The following SMOC2 variants were observed in gnomAD, a reference collection of about 807,000 sequenced individuals.
SMOC2 encodes SPARC-related modular calcium-binding protein 2.
Under a neutral mutation model 61.4 loss-of-function variants are expected in SMOC2, and 39 were observed. The observed-to-expected ratio is 0.64, with a 90% CI of 0.49 to 0.83. The LOEUF (loss-of-function observed/expected upper bound fraction) is 0.83. Among genes scored for constraint, SMOC2 ranks in the 40% least tolerant of loss-of-function variants. The pLI is 0.00. For synonymous variants in SMOC2, 247 were observed against 239.9 expected, an observed-to-expected ratio of 1.03 and a Z score of -0.27; for missense variants, 556 against 592.9, an observed-to-expected ratio of 0.94 and a Z score of 0.65.
intron 2 of SMOC2, among the ~76,000 whole-genome samples, chr6:168,516,647 G>A (rs569094864): frequency 2.3e-4 from 35 of 152,286 alleles, no homozygotes; most frequent in African/African-American, 8.4e-4. Flanking sequence ...CCACGGTGCA[G>A]GAAGTCCACA....
chr6:168,538,442 G>T, intron 4 of SMOC2, among the ~76,000 whole-genome samples: 1 of 117,938 alleles, frequency 8.5e-6, no homozygotes, highest in Non-Finnish European at 1.8e-5. Context: ...GAATGTGGGG[G>T]AGTGGGGTGA....
At chr6:168,511,279 T>G (rs868659580) in intron 2 of SMOC2, among the ~76,000 whole-genome samples, 1 of 152,192 alleles carries the variant, frequency 6.6e-6, no homozygotes, top group African/African-American at 2.4e-5. Flanking sequence ...GAAAGGTGTT[T>G]AATTGACTCA....
At chr6:168,657,534 A>G (rs1443750947) in intron 11 of SMOC2, among the ~76,000 whole-genome samples, 1 of 152,168 alleles carries the variant, frequency 6.6e-6, no homozygotes. Flanking sequence ...GCACCTGCCC[A>G]CTGGGTTTCC....
intron 12 of SMOC2, chr6:168,664,761 C>G (rs1232182578): frequency 6.4e-6 from 3 of 470,996 alleles, no homozygotes; most frequent in African/African-American, 4.0e-5. Flanking sequence ...TCCTCCAGAC[C>G]CAAAGCCACA....
chr6:168,600,414 AAAAAAAAC>A (rs1159867057), intron 8 of SMOC2, among the ~76,000 whole-genome samples: 268 of 24,524 alleles, frequency 0.011, 20 homozygotes, highest in Non-Finnish European at 0.022. Flanking sequence ...CCTCAAAAAA[AAAAAAAAC>A]AAAAAAAAAA....
At chr6:168,583,387 C>T (rs112258716) in intron 7 of SMOC2, among the ~76,000 whole-genome samples, 1,754 of 152,318 alleles carry the variant, frequency 0.012, 28 homozygotes, top group African/African-American at 0.039. Context: ...CCCTGCCCTG[C>T]CTCACCCCTC....
chr6:168,634,033 T>TC (rs1375712958), intron 9 of SMOC2, among the ~76,000 whole-genome samples: 28 of 152,310 alleles, frequency 1.8e-4, no homozygotes, highest in African/African-American at 6.5e-4. Context: ...CATGTTTGCT[T>TC]CCCCTTCTGC....
intron 1 of SMOC2, among the ~76,000 whole-genome samples, chr6:168,508,434 C>T (rs1437299431): frequency 1.3e-5 from 2 of 152,158 alleles, no homozygotes; most frequent in Non-Finnish European, 2.9e-5. Flanking sequence ...AGTGCAATTT[C>T]CACAGCCAGC....
At chr6:168,501,435 T>C (rs1387089820) in intron 1 of SMOC2, among the ~76,000 whole-genome samples, 1 of 151,646 alleles carries the variant, frequency 6.6e-6, no homozygotes, top group East Asian at 1.9e-4. Flanking sequence ...GAACCTGCAT[T>C]GTCCATCCCT....
At chr6:168,500,081 T>C (rs1470025625) in intron 1 of SMOC2, among the ~76,000 whole-genome samples, 1 of 151,974 alleles carries the variant, frequency 6.6e-6, no homozygotes, top group Non-Finnish European at 1.5e-5. Flanking sequence ...CCAAGGCAAG[T>C]GGATCACCTG....
chr6:168,448,614 G>A lies in SMOC2; in HGVS notation c.84+7160G>A, dbSNP rs1021742320. ...ATGGGGAGGACGATGATGGGGAGGA[G>A]GATGGTGATGGGGAGGATGGTGATG... On this transcript the variant is annotated intron_variant, in intron 1 of 12. Transcript: ENST00000356284. 3.3e-5 allele frequency among the ~76,000 whole-genome samples: 5 copies of A among 150,524 alleles called. No homozygotes were observed. The East Asian group carries it at 9.7e-4, about 29-fold the overall frequency.
chr6:168,599,801 C>G (rs1208951093), intron 8 of SMOC2, among the ~76,000 whole-genome samples: 1 of 58,724 alleles, frequency 1.7e-5, no homozygotes, highest in Admixed American at 2.4e-4. Context: ...CCCACAGTCA[C>G]ACATTCACCC....
At chr6:168,449,607 T>C (rs1781415249) in intron 1 of SMOC2, among the ~76,000 whole-genome samples, 1 of 152,156 alleles carries the variant, frequency 6.6e-6, no homozygotes, top group South Asian at 2.1e-4. Context: ...TAACCTAAAA[T>C]GTACCTTGGA....
At chr6:168,563,643 A>G (rs60762882) in intron 7 of SMOC2, among the ~76,000 whole-genome samples, 3,749 of 152,110 alleles carry the variant, frequency 0.025, 121 homozygotes, top group African/African-American at 0.074. Context: ...TGCCTTATGA[A>G]AAGAGGCCCA....
chr6:168,599,236 T>TCACA (rs766969853), intron 8 of SMOC2, among the ~76,000 whole-genome samples: 1 of 76,976 alleles, frequency 1.3e-5, no homozygotes, highest in Admixed American at 1.4e-4. Context: ...ATGGTCTCTC[T>TCACA]CACACACACC....
chr6:168,625,479 G>T (rs942680620), intron 9 of SMOC2, among the ~76,000 whole-genome samples: 1 of 152,218 alleles, frequency 6.6e-6, no homozygotes, highest in Non-Finnish European at 1.5e-5. Context: ...CCCGCATGGC[G>T]TTCTTGGGAT....
chr6:168,581,122 G>T (rs1188865397), intron 7 of SMOC2, among the ~76,000 whole-genome samples: 1 of 152,010 alleles, frequency 6.6e-6, no homozygotes, highest in Non-Finnish European at 1.5e-5. Context: ...AAGTTTCAAG[G>T]TCTCCTCCCC....
At chr6:168,510,177 AT>A in intron 2 of SMOC2, 91 bp downstream of exon 2, 1 of 1,341,484 alleles carries the variant, frequency 7.5e-7, no homozygotes, top group Non-Finnish European at 1.0e-6. Context: ...AACTTTTTAC[AT>A]TTACAAACTC....
At chr6:168,502,772 T>TG (rs1562558858) in intron 1 of SMOC2, among the ~76,000 whole-genome samples, 1 of 150,990 alleles carries the variant, frequency 6.6e-6, no homozygotes, top group East Asian at 1.9e-4. Flanking sequence ...TTTAATTTAA[T>TG]TTATGTTATT....
Sources: gnomAD v4.1 joint callset for allele counts (sites outside exome capture counted in the v4.1 genomes callset) on GRCh38, gnomAD v4.1.1 for gene constraint, MANE v1.5 for transcripts, NCBI Gene and HGNC (gene_info 2026-07-23, HGNC 2026-07-21) for gene names.